ROBO2: variants seen among roughly 807,000 people sequenced by gnomAD.
ROBO2 encodes the protein roundabout guidance receptor 2, also known as roundabout homolog 2.
Under a neutral mutation model 160.8 loss-of-function variants are expected in ROBO2, and 53 were observed. That is an observed-to-expected ratio of 0.33 (90% CI 0.26 to 0.41). The LOEUF (loss-of-function observed/expected upper bound fraction) is 0.41. Among genes scored for constraint, ROBO2 ranks in the 10% least tolerant of loss-of-function variants. ROBO2 has a pLI of 1.00. For synonymous variants in ROBO2, 664 were observed against 611.7 expected (o/e 1.09, Z -1.26); for missense variants, 1,577 against 1,722.4 (o/e 0.92, Z 1.49).
chr3:77,414,499 T>C (rs1048463465), intron 2 of ROBO2, among the ~76,000 whole-genome samples: 10 of 152,192 alleles, frequency 6.6e-5, no homozygotes, highest in Non-Finnish European at 4.4e-5. Flanking sequence ...TCCATATGCT[T>C]GTGGGAATCA....
intron 2 of ROBO2, among the ~76,000 whole-genome samples, chr3:76,647,943 C>T (rs769017203): frequency 6.6e-6 from 1 of 151,974 alleles, no homozygotes; most frequent in Non-Finnish European, 1.5e-5. Context: ...GACATTAGCA[C>T]GAAAGACAGC....
intron 2 of ROBO2, among the ~76,000 whole-genome samples, chr3:76,992,087 A>G (rs1217571214): frequency 1.3e-5 from 2 of 152,026 alleles, no homozygotes; most frequent in Non-Finnish European, 2.9e-5. Context: ...CCTTGTTCCA[A>G]GAAAATTTAC....
exon 2 of ROBO2, chr3:77,098,279 T>C: frequency 6.2e-7 from 1 of 1,614,170 alleles, no homozygotes; most frequent in Non-Finnish European, 8.5e-7. Context: ...GAAGCTACGT[T>C]TGTGTTGCGA....
At chr3:77,365,763 G>A (rs545504672) in intron 2 of ROBO2, among the ~76,000 whole-genome samples, 1 of 152,166 alleles carries the variant, frequency 6.6e-6, no homozygotes, top group Admixed American at 6.5e-5. Context: ...GACCTCTCAT[G>A]GTATAGCCCA....
chr3:76,169,124 T>G (rs983434718), intron 2 of ROBO2, among the ~76,000 whole-genome samples: 3 of 152,120 alleles, frequency 2.0e-5, no homozygotes, highest in African/African-American at 7.2e-5. Context: ...AACATAAATT[T>G]TCTTTCTAGA....
chr3:76,489,723 T>G (rs1047571729), intron 2 of ROBO2, among the ~76,000 whole-genome samples: 2 of 152,080 alleles, frequency 1.3e-5, no homozygotes, highest in Admixed American at 1.3e-4. Flanking sequence ...CATATGTAAA[T>G]CTAGGTGAAT....
intron 2 of ROBO2, among the ~76,000 whole-genome samples, chr3:76,259,505 T>C (rs1187270497): frequency 6.6e-6 from 1 of 152,176 alleles, no homozygotes; most frequent in Non-Finnish European, 1.5e-5. Context: ...CATGTGTCCA[T>C]ACATCTTGTA....
chr3:76,434,464 A>G, intron 2 of ROBO2: 2 of 1,552,202 alleles, frequency 1.3e-6, no homozygotes, highest in Non-Finnish European at 1.8e-6. Context: ...ATGTGAAAGA[A>G]ATGAATGATG....
chr3:76,569,227 T>C (rs1207650047), intron 2 of ROBO2, among the ~76,000 whole-genome samples: 1 of 152,088 alleles, frequency 6.6e-6, no homozygotes, highest in Non-Finnish European at 1.5e-5. Flanking sequence ...CCAATTGTGT[T>C]TCAGTTCAGA....
chr3:77,571,899 G>T (rs527863889), intron 13 of ROBO2, among the ~76,000 whole-genome samples: 39 of 144,570 alleles, frequency 2.7e-4, no homozygotes, highest in Non-Finnish European at 4.0e-4. Context: ...AACAAATTTC[G>T]TCCTGAAAAA....
chr3:76,566,106 C>G (rs909161282), intron 2 of ROBO2, among the ~76,000 whole-genome samples: 2 of 151,846 alleles, frequency 1.3e-5, no homozygotes, highest in African/African-American at 4.8e-5. Flanking sequence ...TATGTGTAGA[C>G]TGCGTGTGAA....
rs1396375488 is a variant in ROBO2, at chr3:76,272,839, A to AT, written c.109+335239dup. The stretch of plus-strand genomic sequence containing the variant: ...ATGTATTTATATATAAAATATATAT[A>AT]TTATATATTATATATAAAATATATA... On this transcript the variant is annotated intron_variant, in intron 2 of 26. Coordinates refer to the ROBO2 transcript ENST00000487694. 3.8e-4 allele frequency among the ~76,000 whole-genome samples: 13 copies of AT among 34,206 alleles called. 2 individuals are homozygous for AT. Among genetic ancestry groups the AT allele is most frequent in the Admixed American group, 9.9e-4 (2 of 2,028 alleles). 22.4% of individuals were successfully genotyped at this position (34,206 alleles called of 152,430 possible). A position where few individuals can be genotyped will look rare whatever the true frequency, so the allele number is the denominator to read the frequency against.
At chr3:76,675,386 A>C (rs536759388) in intron 2 of ROBO2, among the ~76,000 whole-genome samples, 1 of 152,014 alleles carries the variant, frequency 6.6e-6, no homozygotes, top group Non-Finnish European at 1.5e-5. Flanking sequence ...ACATTTCTCT[A>C]GAGTTTTTGC....
chr3:77,553,798 C>T (rs570617456), intron 8 of ROBO2, among the ~76,000 whole-genome samples: 51 of 151,758 alleles, frequency 3.4e-4, no homozygotes, highest in Middle Eastern at 3.2e-3. Context: ...TTTGAAGCTA[C>T]CAGGGGTTGG....
chr3:76,625,624 G>A (rs1338407007), intron 2 of ROBO2, among the ~76,000 whole-genome samples: 6 of 152,154 alleles, frequency 3.9e-5, no homozygotes, highest in South Asian at 4.1e-4. Context: ...AGGAAGTTAC[G>A]TGGATCTATG....
chr3:76,692,941 A>G (rs763662906), intron 2 of ROBO2, among the ~76,000 whole-genome samples: 1 of 150,810 alleles, frequency 6.6e-6, no homozygotes, highest in Non-Finnish European at 1.5e-5. Context: ...GTGTGTATAT[A>G]TAGTGTACAT....
intron 2 of ROBO2, among the ~76,000 whole-genome samples, chr3:76,639,464 T>TCACACACACA (rs34047566): frequency 1.3e-5 from 2 of 149,206 alleles, no homozygotes; most frequent in South Asian, 2.1e-4. Context: ...CTACACTCTC[T>TCACACACACA]CACACACACA....
intron 2 of ROBO2, among the ~76,000 whole-genome samples, chr3:76,864,887 G>A (rs898944442): frequency 6.6e-6 from 1 of 152,046 alleles, no homozygotes; most frequent in African/African-American, 2.4e-5. Flanking sequence ...AATGGCAAAT[G>A]ACAAAATGTG....
At chr3:76,765,869 C>T (rs9821090) in intron 2 of ROBO2, among the ~76,000 whole-genome samples, 2,948 of 151,678 alleles carry the variant, frequency 0.019, 90 homozygotes, top group African/African-American at 0.066. Flanking sequence ...AGGACTGTTT[C>T]GAGGCACCCA....
Sources: gnomAD v4.1 joint callset for allele counts (sites outside exome capture counted in the v4.1 genomes callset) on GRCh38, gnomAD v4.1.1 for gene constraint, MANE v1.5 for transcripts, NCBI Gene and HGNC (gene_info 2026-07-23, HGNC 2026-07-21) for gene names.